DIAPH3: variants seen among roughly 807,000 people sequenced by gnomAD.
DIAPH3 encodes the protein diaphanous related formin 3.
DIAPH3 carries 117 observed loss-of-function variants against 144.3 expected under a neutral mutation model. The ratio of observed to expected loss-of-function variants is 0.81; its 90% CI spans 0.70 to 0.95. The LOEUF (loss-of-function observed/expected upper bound fraction) is 0.95. Among genes scored for constraint, DIAPH3 ranks in the 40% least tolerant of loss-of-function variants. The pLI, the probability that DIAPH3 is intolerant of heterozygous loss-of-function variation, is 0.00. For missense variants in DIAPH3, 1,421 were observed against 1,412.7 expected (o/e 1.01, Z -0.09); for synonymous variants, 519 against 488.9 (o/e 1.06, Z -0.81).
At chr13:60,154,814 A>G (rs1464767841) in intron 1 of DIAPH3, among the ~76,000 whole-genome samples, 1 of 152,208 alleles carries the variant, frequency 6.6e-6, no homozygotes, top group Admixed American at 6.5e-5. Context: ...AGTTTCTGAG[A>G]TAAACAAGCA....
chr13:59,948,896 GGAA>G (rs2048949094), intron 17 of DIAPH3, among the ~76,000 whole-genome samples: 3 of 138,494 alleles, frequency 2.2e-5, no homozygotes, highest in Non-Finnish European at 3.2e-5. Flanking sequence ...AAGGAAGGAA[GGAA>G]GGAAGGAAAC....
At chr13:60,011,031 AGAGGTG>A (rs2053219436) in intron 7 of DIAPH3, among the ~76,000 whole-genome samples, 1 of 151,912 alleles carries the variant, frequency 6.6e-6, no homozygotes, top group South Asian at 2.1e-4. Flanking sequence ...CTTGGACCCG[AGAGGTG>A]GACATTGCAG....
chr13:59,773,360 CAT>C (rs2038222793), intron 27 of DIAPH3, among the ~76,000 whole-genome samples: 1 of 152,286 alleles, frequency 6.6e-6, no homozygotes, highest in African/African-American at 2.4e-5. Flanking sequence ...CTCTCAGTCA[CAT>C]GTTAATAATT....
chr13:59,732,723 T>A (rs2035949596), intron 27 of DIAPH3, among the ~76,000 whole-genome samples: 1 of 152,094 alleles, frequency 6.6e-6, no homozygotes, highest in Non-Finnish European at 1.5e-5. Context: ...GATTATGGGA[T>A]TACGGGTGTG....
intron 27 of DIAPH3, among the ~76,000 whole-genome samples, chr13:59,680,789 T>A (rs1309632486): frequency 6.6e-6 from 1 of 152,174 alleles, no homozygotes; most frequent in African/African-American, 2.4e-5. Context: ...TCTAAAGGTC[T>A]TAGATTTTGC....
intron 21 of DIAPH3, among the ~76,000 whole-genome samples, chr13:59,873,760 G>A (rs949494568): frequency 1.3e-5 from 2 of 149,360 alleles, no homozygotes; most frequent in Non-Finnish European, 3.0e-5. Flanking sequence ...TCCGCCTCCC[G>A]GGTTCAAGCG....
At chr13:60,054,609 T>C (rs1340077983) in intron 4 of DIAPH3, among the ~76,000 whole-genome samples, 1 of 151,968 alleles carries the variant, frequency 6.6e-6, no homozygotes, top group East Asian at 1.9e-4. Context: ...TGATATGAAA[T>C]GTCAAGACTA....
chr13:60,059,632 T>C (rs1566724171), intron 4 of DIAPH3, among the ~76,000 whole-genome samples: 1 of 151,860 alleles, frequency 6.6e-6, no homozygotes, highest in Non-Finnish European at 1.5e-5. Context: ...TATTGGAAAA[T>C]GTTTACTCTC....
chr13:59,797,669 T>C lies in DIAPH3; in HGVS notation c.3163+13119A>G, dbSNP rs2039684119. Among the ~76,000 whole-genome samples, 2 of 152,142 alleles carry C rather than the reference T, an allele frequency of 1.3e-5. 1 individual carries two copies. The highest frequency in any genetic ancestry group is 4.2e-4 in the South Asian group (2 of 4,814). On this transcript the variant is annotated intron_variant, in intron 25 of 27. Transcript: ENST00000400324. ...GAGCCTTGGAACTGAATGTTTGGGC[T>C]AGTTTTAGATGAAGAGGAAGGAGTG...
intron 20 of DIAPH3, among the ~76,000 whole-genome samples, chr13:59,905,180 A>C (rs1420995925): frequency 6.6e-6 from 1 of 151,620 alleles, no homozygotes; most frequent in Non-Finnish European, 1.5e-5. Context: ...GTCTCTACTA[A>C]AAACACAAAA....
intron 9 of DIAPH3, among the ~76,000 whole-genome samples, chr13:59,999,845 G>A (rs1419617450): frequency 6.6e-6 from 1 of 152,086 alleles, no homozygotes; most frequent in East Asian, 1.9e-4. Flanking sequence ...ATTTCCTCTA[G>A]TCCCTTACAC....
intron 20 of DIAPH3, among the ~76,000 whole-genome samples, chr13:59,893,976 G>C (rs1049843173): frequency 6.6e-6 from 1 of 152,022 alleles, no homozygotes; most frequent in African/African-American, 2.4e-5. Flanking sequence ...TTGTTTCTAC[G>C]TTAGGACAAG....
At chr13:60,092,942 T>G (rs1031412353) in intron 4 of DIAPH3, among the ~76,000 whole-genome samples, 1 of 152,206 alleles carries the variant, frequency 6.6e-6, no homozygotes, top group African/African-American at 2.4e-5. Flanking sequence ...CCAAAATCAT[T>G]TTCCACTGTC....
At chr13:59,961,697 C>T (rs2049769369) in intron 17 of DIAPH3, among the ~76,000 whole-genome samples, 1 of 152,148 alleles carries the variant, frequency 6.6e-6, no homozygotes, top group Admixed American at 6.6e-5. Context: ...GCACAAAGAG[C>T]AATGGCTTTA....
intron 20 of DIAPH3, among the ~76,000 whole-genome samples, chr13:59,888,083 T>C (rs895264710): frequency 6.6e-6 from 1 of 152,100 alleles, no homozygotes; most frequent in African/African-American, 2.4e-5. Flanking sequence ...TTTTCCCCAC[T>C]GCTATGTTTG....
chr13:59,787,812 G>C (rs1208204574), intron 25 of DIAPH3, among the ~76,000 whole-genome samples: 1 of 152,182 alleles, frequency 6.6e-6, no homozygotes, highest in Non-Finnish European at 1.5e-5. Flanking sequence ...GATATTAGGA[G>C]AAAGGGCTTT....
Position 59,958,905 on chromosome 13 carries a change from C to T in DIAPH3, c.2074+11039G>A, listed in dbSNP as rs191824504. Among the ~76,000 whole-genome samples the T allele has an allele frequency of 9.7e-3, 1,232 of 126,398 alleles. 12 individuals are homozygous for T. The highest frequency in any genetic ancestry group is 0.014 in the Non-Finnish European group (898 of 63,722). The allele number at this position is 126,398 out of a possible 152,430, so 82.9% of individuals were successfully genotyped here. A position where few individuals can be genotyped will look rare whatever the true frequency, so the allele number is the denominator to read the frequency against. ...TTTTTTTTTTTTTGAGATAGAGTCT[C>T]GCTCCTGTTGCCCAGGCTGGAGAGC... On this transcript the variant is annotated intron_variant, in intron 17 of 27. Transcript: ENST00000400324.
intron 22 of DIAPH3, among the ~76,000 whole-genome samples, chr13:59,856,471 G>A (rs1230947709): frequency 2.0e-5 from 3 of 152,136 alleles, no homozygotes; most frequent in South Asian, 4.1e-4. Flanking sequence ...GGGGCATAAG[G>A]AAATGATTTG....
intron 20 of DIAPH3, among the ~76,000 whole-genome samples, chr13:59,884,222 G>C (rs780226489): frequency 6.6e-6 from 1 of 152,108 alleles, no homozygotes; most frequent in Non-Finnish European, 1.5e-5. Context: ...CTAATGCCTG[G>C]ATGATCTGTC....
Sources: gnomAD v4.1 joint callset for allele counts (sites outside exome capture counted in the v4.1 genomes callset) on GRCh38, gnomAD v4.1.1 for gene constraint, MANE v1.5 for transcripts, NCBI Gene and HGNC (gene_info 2026-07-23, HGNC 2026-07-21) for gene names.